The following RBPMS variants were observed in gnomAD, a reference collection of about 807,000 sequenced individuals.
The protein encoded by RBPMS is RNA-binding protein with multiple splicing.
In RBPMS, 7 loss-of-function variants were observed where a neutral mutation model predicts 26.8. That is an observed-to-expected ratio of 0.26 (90% CI 0.15 to 0.49). The LOEUF (loss-of-function observed/expected upper bound fraction) is 0.49. Among genes scored for constraint, RBPMS ranks in the 20% least tolerant of loss-of-function variants. The pLI, the probability that RBPMS is intolerant of heterozygous loss-of-function variation, is 0.98. For synonymous variants in RBPMS, 96 were observed against 93.3 expected, an observed-to-expected ratio of 1.03 and a Z score of -0.17; for missense variants, 186 against 250.0, an observed-to-expected ratio of 0.74 and a Z score of 1.73.
intron 5 of RBPMS, among the ~76,000 whole-genome samples, chr8:30,534,394 C>T (rs1336948815): frequency 1.3e-5 from 2 of 152,190 alleles, no homozygotes; most frequent in Non-Finnish European, 2.9e-5. Context: ...ATACTATACA[C>T]GTAAGCACAA....
At chr8:30,430,531 CAAGTAT>C (rs1310664279) in intron 1 of RBPMS, among the ~76,000 whole-genome samples, 6 of 152,232 alleles carry the variant, frequency 3.9e-5, no homozygotes, top group East Asian at 1.9e-4. Context: ...ATGTACAGTA[CAAGTAT>C]ATCAAAGAAC....
chr8:30,517,418 G>A (rs1282114256), intron 5 of RBPMS, among the ~76,000 whole-genome samples: 1 of 152,136 alleles, frequency 6.6e-6, no homozygotes, highest in African/African-American at 2.4e-5. Flanking sequence ...GAGATACAGT[G>A]GAGGAGCAGC....
intron 1 of RBPMS, among the ~76,000 whole-genome samples, chr8:30,394,036 G>A (rs1230197902): frequency 1.9e-5 from 1 of 53,762 alleles, no homozygotes; most frequent in African/African-American, 7.7e-5. Context: ...CAGTCACACC[G>A]AGAAGATGGA....
At chr8:30,557,089 C>T (rs746716445) in intron 6 of RBPMS, among the ~76,000 whole-genome samples, 5 of 152,204 alleles carry the variant, frequency 3.3e-5, no homozygotes, top group Non-Finnish European at 7.3e-5. Flanking sequence ...CTTTGCCTTT[C>T]CCTGATACTG....
intron 5 of RBPMS, among the ~76,000 whole-genome samples, chr8:30,530,469 T>C (rs1824091608): frequency 6.6e-6 from 1 of 152,176 alleles, no homozygotes; most frequent in African/African-American, 2.4e-5. Context: ...TCTTTTTTTC[T>C]TTTCTTTTTT....
intron 1 of RBPMS, among the ~76,000 whole-genome samples, chr8:30,422,939 A>G (rs147173113): frequency 4.6e-5 from 7 of 152,352 alleles, no homozygotes; most frequent in African/African-American, 1.4e-4. Flanking sequence ...TGGGTGAAAC[A>G]GGGAATTCTA....
intron 7 of RBPMS, chr8:30,564,175 A>C (rs1477161104): frequency 6.6e-6 from 1 of 152,190 alleles, no homozygotes; most frequent in Non-Finnish European, 1.5e-5. Flanking sequence ...ACATCTCAGC[A>C]AAGACCTAGA....
intron 5 of RBPMS, among the ~76,000 whole-genome samples, chr8:30,514,143 C>T (rs969235419): frequency 2.6e-5 from 4 of 151,982 alleles, no homozygotes; most frequent in Non-Finnish European, 5.9e-5. Flanking sequence ...TGCATCCTCA[C>T]TCCTGCACAC....
chr8:30,549,541 C>A, intron 6 of RBPMS: 1 of 1,614,142 alleles, frequency 6.2e-7, no homozygotes, highest in South Asian at 1.1e-5. Context: ...ACCCCTTGAG[C>A]GCTCCGTCTC....
chr8:30,490,637 A>G (rs1361204916), intron 4 of RBPMS, among the ~76,000 whole-genome samples: 1 of 151,882 alleles, frequency 6.6e-6, no homozygotes, highest in African/African-American at 2.4e-5. Context: ...TTTTTTGTAT[A>G]TTTGGTAGAG....
intron 1 of RBPMS, among the ~76,000 whole-genome samples, chr8:30,425,598 C>G (rs1345641473): frequency 6.6e-6 from 1 of 151,948 alleles, no homozygotes; most frequent in Non-Finnish European, 1.5e-5. Context: ...CGGGGTTTCT[C>G]CATGTTGGCC....
intron 1 of RBPMS, among the ~76,000 whole-genome samples, chr8:30,464,514 A>G (rs2150791437): frequency 1.3e-5 from 2 of 152,320 alleles, no homozygotes; most frequent in Middle Eastern, 6.8e-3. Context: ...TGGCAATGGG[A>G]TGAAGTTCCT....
intron 8 of RBPMS, among the ~76,000 whole-genome samples, chr8:30,568,526 A>G (rs2151098105): frequency 6.6e-6 from 1 of 152,352 alleles, no homozygotes; most frequent in Non-Finnish European, 1.5e-5. Context: ...ACCAAGAGAC[A>G]TCCTCCAGTG....
At chr8:30,550,086 A>G (rs1489803913) in intron 6 of RBPMS, among the ~76,000 whole-genome samples, 2 of 151,926 alleles carry the variant, frequency 1.3e-5, no homozygotes, top group Non-Finnish European at 2.9e-5. Context: ...TCATGACCTT[A>G]TGATCTGCCC....
chr8:30,549,396 C>A, intron 6 of RBPMS: 2 of 933,516 alleles, frequency 2.1e-6, no homozygotes, highest in African/African-American at 1.6e-5. Flanking sequence ...TGAAGGACTG[C>A]AGAGCTTGCC....
chr8:30,395,181 G>A (rs1221680990), intron 1 of RBPMS, among the ~76,000 whole-genome samples: 1 of 11,048 alleles, frequency 9.1e-5, no homozygotes. Flanking sequence ...CAGGTGCAGT[G>A]GCTGGGCCAG....
intron 5 of RBPMS, among the ~76,000 whole-genome samples, chr8:30,522,614 TAGG>T (rs998332111): frequency 6.6e-6 from 1 of 152,200 alleles, no homozygotes; most frequent in African/African-American, 2.4e-5. Flanking sequence ...TTAAAAAGGA[TAGG>T]AGGAAACTTT....
intron 4 of RBPMS, among the ~76,000 whole-genome samples, chr8:30,486,585 A>G (rs1415854098): frequency 3.3e-5 from 5 of 152,082 alleles, no homozygotes; most frequent in Non-Finnish European, 7.4e-5. Context: ...GTGAGCTGCG[A>G]TCACGCCATT....
At chr8:30,409,631 T>TTTTTA (rs781025222) in intron 1 of RBPMS, among the ~76,000 whole-genome samples, 1 of 152,208 alleles carries the variant, frequency 6.6e-6, no homozygotes, top group East Asian at 1.9e-4. Context: ...CATTCTTTAT[T>TTTTTA]TTTTATTTTA....
Sources: gnomAD v4.1 joint callset for allele counts (sites outside exome capture counted in the v4.1 genomes callset) on GRCh38, gnomAD v4.1.1 for gene constraint, MANE v1.5 for transcripts, NCBI Gene and HGNC (gene_info 2026-07-23, HGNC 2026-07-21) for gene names.